Variants in FN1 observed in about 807,000 individuals in gnomAD.
The protein encoded by FN1 is fibronectin.
FN1 carries 106 observed loss-of-function variants against 297.3 expected under a neutral mutation model. That is an observed-to-expected ratio of 0.36 (90% CI 0.30 to 0.42). The LOEUF (loss-of-function observed/expected upper bound fraction) is 0.42. Among genes scored for constraint, FN1 ranks in the 10% least tolerant of loss-of-function variants. The probability of loss-of-function intolerance (pLI) is 1.00; values close to 1 mark genes in which losing one functional copy is unlikely to be tolerated. For missense variants in FN1, 2,690 were observed against 3,124.9 expected, an observed-to-expected ratio of 0.86 and a Z score of 3.32; for synonymous variants, 1,149 against 1,152.6, an observed-to-expected ratio of 1.00 and a Z score of 0.06.
chr2:215,406,874 A>G (rs765317504), intron 18 of FN1, among the ~76,000 whole-genome samples: 24 of 152,224 alleles, frequency 1.6e-4, no homozygotes, highest in Non-Finnish European at 2.6e-4. Flanking sequence ...CTTAAGAATC[A>G]AAAATGAAAT....
chr2:215,407,392 C>T, intron 17 of FN1, 71 bp from the exon 18 acceptor site: 1 of 1,259,628 alleles, frequency 7.9e-7, no homozygotes, highest in Non-Finnish European at 1.2e-6. Flanking sequence ...ACCATAAATC[C>T]TCCCTTTTCT....
At chr2:215,416,411 A>G (rs535320259) in intron 12 of FN1, among the ~76,000 whole-genome samples, 3 of 152,160 alleles carry the variant, frequency 2.0e-5, no homozygotes, top group Non-Finnish European at 4.4e-5. Context: ...TCTTTGAATT[A>G]CCCCTTCTGT....
chr2:215,431,921 G>C lies in FN1; in HGVS notation c.459C>G (p.Thr153=). The change falls in exon 4 of 46, where the codon ACC becomes ACG. Residue 153 remains threonine, a synonymous_variant. Transcript: ENST00000354785. ...CACCAGTCTCATGTGGTCTCCTCCA[G>C]GTGTCACCAATCTTGTAGGACTGAC... The part of the protein sequence containing the change: ...EGGQSYKIGD[T]WRRPHETGGY... The C allele has an allele frequency of 6.2e-7, 1 of 1,614,096 alleles. No individual in the cohort carries two copies. Among genetic ancestry groups the C allele is most frequent in the South Asian group, 1.1e-5 (1 of 91,082 alleles).
At chr2:215,382,093 TAAACTA>T in intron 32 of FN1, 113 bp downstream of exon 32, 2 of 713,284 alleles carry the variant, frequency 2.8e-6, no homozygotes, top group Non-Finnish European at 5.1e-6. Context: ...GCTCAAGACA[TAAACTA>T]ACCAACAAGT....
At chr2:215,373,849 T>C (rs1056739677) in intron 38 of FN1, among the ~76,000 whole-genome samples, 1 of 151,800 alleles carries the variant, frequency 6.6e-6, no homozygotes, top group African/African-American at 2.4e-5. Context: ...TGGCTAATTT[T>C]GTTTTTGTAT....
In FN1 at chr2:215,433,597, G is replaced by C. The variant is rs181127968; in HGVS notation, c.278-136C>G. On this transcript the variant is annotated intron_variant, in intron 2 of 45. Coordinates refer to ENST00000354785, the MANE Select transcript of FN1 (RefSeq NM_212482.4). ...CACCTCAAAGAATAAAATGAAGTGA[G>C]AGATACAGATTTTTATCCTAAGCTC... 13 of 887,860 alleles carry C rather than the reference G, an allele frequency of 1.5e-5. No individual in the cohort carries two copies. The Admixed American group carries it at 2.1e-4, about 14-fold the overall frequency. 55.0% of individuals were successfully genotyped at this position (887,860 alleles called of 1,614,324 possible). A position where few individuals can be genotyped will look rare whatever the true frequency, so the allele number is the denominator to read the frequency against.
At chr2:215,375,587 C>T in intron 37 of FN1, 42 bp downstream of exon 37, 1 of 1,398,192 alleles carries the variant, frequency 7.2e-7, no homozygotes, top group Admixed American at 1.7e-5. Flanking sequence ...AAACTGATTG[C>T]ATACAAGTCA....
Position 215,409,696 on chromosome 2 carries a change from C to T in FN1, c.2166G>A (p.Val722=), listed in dbSNP as rs1233328168. The T allele has an allele frequency of 6.2e-7, 1 of 1,613,856 alleles. No individual in the cohort carries two copies. Among genetic ancestry groups the T allele is most frequent in the African/African-American group, 1.3e-5 (1 of 74,844 alleles). The part of the protein sequence containing the change: ...TGETTPFSPL[V]ATSESVTEIT... ...TTTCGGTCACAGATTCAGAAGTGGC[C>T]ACAAGAGGAGAAAAGGGAGTCGTCT... Residue 722 remains valine (V), a synonymous_variant, in exon 15 of 46, where the codon GTG becomes GTA. Coordinates refer to ENST00000354785, the MANE Select transcript of FN1 (RefSeq NM_212482.4).
chr2:215,420,064 A>G (rs923462870), intron 11 of FN1, among the ~76,000 whole-genome samples: 6 of 152,142 alleles, frequency 3.9e-5, no homozygotes, highest in African/African-American at 1.4e-4. Context: ...CCAAAAAAAA[A>G]CCTAGAGTGT....
intron 44 of FN1, chr2:215,362,724 C>CA (rs1294808983): frequency 6.5e-6 from 1 of 153,828 alleles, no homozygotes; most frequent in African/African-American, 2.4e-5. Flanking sequence ...CAGTGAGGCT[C>CA]CTGCCTGAAG....
At position 215,434,814 on chromosome 2, in the gene FN1, A is replaced by G. The variant is rs760461490; in HGVS notation, c.159T>C (p.Tyr53=). 3.7e-6 allele frequency: 6 copies of G among 1,610,870 alleles called. No individual in the cohort carries two copies. In the African/African-American group the frequency reaches 8.1e-5, roughly 22 times the overall value. ...TTATCTGATAGTGTTTTCCATTGTCATAACAACCGGCTGCAAATAATTGAA... is the reference window on the plus strand; with the variant it reads ...TTATCTGATAGTGTTTTCCATTGTCGTAACAACCGGCTGCAAATAATTGAA... ...VAVSQSKPGC[Y]DNGKHYQINQ... The change falls in exon 2 of 46, where the codon TAT becomes TAC. Residue 53 remains tyrosine (Y), a synonymous_variant. Coordinates refer to ENST00000354785, the MANE Select transcript of FN1 (RefSeq NM_212482.4).
chr2:215,404,222 C>T (rs1221040149), intron 20 of FN1, among the ~76,000 whole-genome samples, 167 bp downstream of exon 20: 1 of 152,046 alleles, frequency 6.6e-6, no homozygotes, highest in East Asian at 1.9e-4. Context: ...TAGCAGCAAA[C>T]AATTAACGGG....
chr2:215,375,833 C>G (rs1330787227), intron 36 of FN1, 115 bp from the exon 37 acceptor site: 19 of 722,144 alleles, frequency 2.6e-5, no homozygotes, highest in Admixed American at 2.0e-4. Flanking sequence ...TATAGACTAC[C>G]AAAGTGGTCC....
chr2:215,406,547 T>C (rs753949020), intron 18 of FN1, 37 bp from the exon 19 acceptor site: 3 of 1,605,904 alleles, frequency 1.9e-6, no homozygotes, highest in East Asian at 4.5e-5. Flanking sequence ...TCACATTCTC[T>C]GCTGAAGATT....
chr2:215,428,521 G>A (rs1204107756), intron 5 of FN1, among the ~76,000 whole-genome samples, 183 bp from the exon 6 acceptor site: 1 of 152,186 alleles, frequency 6.6e-6, no homozygotes, highest in African/African-American at 2.4e-5. Context: ...ACAGTGGAAA[G>A]GCAGCTGAAT....
intron 40 of FN1, 115 bp from the exon 41 acceptor site, chr2:215,370,547 C>CAA (rs1559336677): frequency 6.7e-6 from 2 of 297,706 alleles, no homozygotes; most frequent in African/African-American, 3.3e-5. Context: ...AGACAAAAAA[C>CAA]AAAAAACAAA....
intron 6 of FN1, among the ~76,000 whole-genome samples, chr2:215,426,925 G>A: frequency 6.6e-6 from 1 of 151,676 alleles, no homozygotes. Context: ...ACCCAGGCTG[G>A]AGTGCAGTGG....
Position 215,435,985 on chromosome 2 carries a change from GAGA to G in FN1, c.-186_-184del. 1 of 1,335,328 alleles carries G rather than the reference GAGA, an allele frequency of 7.5e-7. No individual in the cohort carries two copies. The highest frequency in any genetic ancestry group is 2.9e-5 in the Admixed American group (1 of 34,734). The allele number at this position is 1,335,328 out of a possible 1,614,324, so 82.7% of individuals were successfully genotyped here. A position where few individuals can be genotyped will look rare whatever the true frequency, so the allele number is the denominator to read the frequency against. ...GGGACAGAAGGGATGCAGAGGACCA[GAGA>G]AGTTGTGGCTGCAGGTCCCCTCTTC... On this transcript the variant is annotated 5_prime_UTR_variant, in exon 1 of 46. Transcript: ENST00000354785.
chr2:215,376,754 G>C, intron 35 of FN1, 80 bp from the exon 36 acceptor site: 2 of 1,245,762 alleles, frequency 1.6e-6, no homozygotes, highest in Non-Finnish European at 2.3e-6. Flanking sequence ...CGTTTCCTTG[G>C]TATATATCAA....
Sources: allele counts gnomAD v4.1 joint callset (sites outside exome capture counted in the v4.1 genomes callset), GRCh38; gene constraint gnomAD v4.1.1; transcripts MANE v1.5; gene names NCBI Gene and HGNC (gene_info 2026-07-23, HGNC 2026-07-21).